The following ODR4 variants were observed in gnomAD, a reference collection of about 807,000 sequenced individuals.
ODR4 encodes the protein odr-4 GPCR localization factor homolog.
In ODR4, 47 loss-of-function variants were observed where a neutral mutation model predicts 60.2. That is an observed-to-expected ratio of 0.78 (90% CI 0.62 to 1.00). The LOEUF (loss-of-function observed/expected upper bound fraction) is 1.00, where lower values mean the gene tolerates loss of function less well. ODR4 is among the 50% of genes least tolerant of loss of function. The pLI, the probability that ODR4 is intolerant of heterozygous loss-of-function variation, is 0.00. For missense variants in ODR4, 488 were observed against 530.8 expected, an observed-to-expected ratio of 0.92 and a Z score of 0.79; for synonymous variants, 178 against 175.5, an observed-to-expected ratio of 1.01 and a Z score of -0.11.
At chr1:186,408,477 A>G (rs1319727590) in intron 12 of ODR4, among the ~76,000 whole-genome samples, 1 of 150,864 alleles carries the variant, frequency 6.6e-6, no homozygotes, top group Non-Finnish European at 1.5e-5. Flanking sequence ...GGAATCTTGG[A>G]TCTCATTATT....
chr1:186,400,405 G>A (rs1388264926), intron 11 of ODR4, among the ~76,000 whole-genome samples: 1 of 152,050 alleles, frequency 6.6e-6, no homozygotes, highest in Non-Finnish European at 1.5e-5. Context: ...TCAGCCTCCC[G>A]AGTAGCTGAG....
At chr1:186,415,267 AT>A (rs11316066) in intron 12 of ODR4, among the ~76,000 whole-genome samples, 6,879 of 151,992 alleles carry the variant, frequency 0.045, 512 homozygotes, top group African/African-American at 0.16. Context: ...GAAGTAGGTA[AT>A]TTTTTTTCTT....
intron 13 of ODR4, among the ~76,000 whole-genome samples, chr1:186,418,799 A>G (rs1661683486): frequency 6.6e-6 from 1 of 152,248 alleles, no homozygotes; most frequent in Non-Finnish European, 1.5e-5. Flanking sequence ...TTTGTCCAAC[A>G]TTTGAAATCT....
chr1:186,414,534 T>C (rs796880206), intron 12 of ODR4, among the ~76,000 whole-genome samples: 5 of 151,808 alleles, frequency 3.3e-5, no homozygotes, highest in African/African-American at 1.2e-4. Flanking sequence ...CTTTTTTTTT[T>C]TTTTTGAGAC....
chr1:186,430,501 T>C, the ODR4 span, among the ~76,000 whole-genome samples: 1 of 152,138 alleles, frequency 6.6e-6, no homozygotes, highest in Non-Finnish European at 1.5e-5. Context: ...TCCAATTTAG[T>C]TGTAGAAACA....
In ODR4 at chr1:186,401,163, A is replaced by G. The variant is rs755880044; in HGVS notation, c.1000+2119A>G. ...TATATGGCTATCCTGGTATTCTTTC[A>G]TATTGTTAGTACTTTGAAATTTTTG... On this transcript the variant is annotated intron_variant, in intron 11 of 13. Coordinates refer to ENST00000287859, the MANE Select transcript of ODR4 (RefSeq NM_017847.6). The G allele has an allele frequency of 1.1e-5, 18 of 1,593,210 alleles. No individual in the cohort carries two copies. The Admixed American group carries it at 1.5e-4, about 13-fold the overall frequency.
rs529733137 is a variant in ODR4, at chr1:186,420,127, G to A, written c.*1051G>A. 2 of 152,216 alleles carry A rather than the reference G, an allele frequency of 1.3e-5. No homozygotes were observed. Among genetic ancestry groups the A allele is most frequent in the Admixed American group, 6.5e-5 (1 of 15,284 alleles). The allele number at this position is 152,216 out of a possible 1,614,324, so 9.4% of individuals were successfully genotyped here. Reference sequence around the variant, plus strand: ...GGAGAATTTTCAAGAACCATACTTCGACATTTCCTCTGCCACAAAAAATGA... The same window carrying A: ...GGAGAATTTTCAAGAACCATACTTCAACATTTCCTCTGCCACAAAAAATGA... On this transcript the variant is annotated 3_prime_UTR_variant, in exon 14 of 14. Coordinates refer to ENST00000287859, the MANE Select transcript of ODR4 (RefSeq NM_017847.6).
chr1:186,423,212 T>C (rs1404641305), downstream of ODR4, among the ~76,000 whole-genome samples: 1 of 152,130 alleles, frequency 6.6e-6, no homozygotes, highest in Non-Finnish European at 1.5e-5. Context: ...CTTTCAAAAA[T>C]AGCTAATGAG....
rs1204355068 is a variant in ODR4 at position 186,398,326 on chromosome 1, A to ACCACAGAT, written c.801_808dup (p.Ala270AspfsTer13). The ACCACAGAT allele has an allele frequency of 6.3e-7, 1 of 1,592,668 alleles. No homozygotes were observed. Among genetic ancestry groups the ACCACAGAT allele is most frequent in the Non-Finnish European group, 8.5e-7 (1 of 1,170,066 alleles). On this transcript the variant is annotated frameshift_variant, in exon 10 of 14. Coordinates refer to ENST00000287859, the MANE Select transcript of ODR4 (RefSeq NM_017847.6). LOFTEE classifies it high-confidence loss of function. ...TTTGTCTTTCAGCTCCTGAATTCAG[A>ACCACAGAT]CCACAGATCCACAGCCACAGTCCAG...
intron 8 of ODR4, 44 bp from the exon 9 acceptor site, chr1:186,393,903 T>C (rs1490174083): frequency 3.0e-5 from 31 of 1,033,254 alleles, no homozygotes; most frequent in Non-Finnish European, 4.0e-5. Context: ...TTTTATGTTT[T>C]ACAGGCTTCA....
chr1:186,383,110 A>T lies in ODR4; in HGVS notation c.188A>T (p.Lys63Met). Residue 63 changes from lysine (K) to methionine (M), a missense_variant, in exon 3 of 14, where the codon AAG becomes ATG. By Grantham distance (95) the Lys-to-Met change is moderately conservative (BLOSUM62 -1). Transcript: ENST00000287859. ...QSENLKHPKA[K>M]LDNLDEEWAT... ...GAGAACCTCAAACATCCCAAAGCTAAGTTGGATAACTTGGATGAAGAATGG... is the reference window on the plus strand; with the variant it reads ...GAGAACCTCAAACATCCCAAAGCTATGTTGGATAACTTGGATGAAGAATGG... 1 of 1,559,632 alleles carries T rather than the reference A, an allele frequency of 6.4e-7. No homozygotes were observed. The highest frequency in any genetic ancestry group is 8.7e-7 in the Non-Finnish European group (1 of 1,150,958).
chr1:186,400,919 CAG>C, intron 11 of ODR4: 7 of 810,816 alleles, frequency 8.6e-6, no homozygotes, highest in Non-Finnish European at 1.4e-5. Context: ...AGCCCCATCT[CAG>C]TGTGGCTTTG....
At chr1:186,386,362 C>T (rs1660250264) in intron 4 of ODR4, among the ~76,000 whole-genome samples, 1 of 152,000 alleles carries the variant, frequency 6.6e-6, no homozygotes, top group Non-Finnish European at 1.5e-5. Context: ...ATCATCAGCC[C>T]ATATGGCATT....
intron 12 of ODR4, among the ~76,000 whole-genome samples, chr1:186,415,983 T>C (rs1389570119): frequency 6.6e-6 from 1 of 152,238 alleles, no homozygotes; most frequent in Non-Finnish European, 1.5e-5. Flanking sequence ...TTGATCATAG[T>C]TTCAATTTCA....
At chr1:186,395,157 C>T (rs1272352785) in intron 9 of ODR4, among the ~76,000 whole-genome samples, 4 of 152,062 alleles carry the variant, frequency 2.6e-5, no homozygotes, top group African/African-American at 7.2e-5. Flanking sequence ...TGCAGTGGTG[C>T]GATCTCGGCT....
At chr1:186,382,711 AATTC>A (rs1660087888) in intron 2 of ODR4, among the ~76,000 whole-genome samples, 3 of 152,236 alleles carry the variant, frequency 2.0e-5, no homozygotes. Flanking sequence ...TAGTTAATGT[AATTC>A]ATTCACTCAT....
At position 186,391,698 on chromosome 1, in the gene ODR4, T is replaced by C; in HGVS notation, c.618T>C (p.Asn206=). 1 of 1,585,972 alleles carries C rather than the reference T, an allele frequency of 6.3e-7. No homozygotes were observed. Among genetic ancestry groups the C allele is most frequent in the African/African-American group, 1.3e-5 (1 of 74,600 alleles). Residue 206 remains asparagine (N), a splice_region_variant and synonymous_variant, in exon 8 of 14, where the codon AAT becomes AAC. Transcript: ENST00000287859. ...VSYTLEKNTK[N]GLTRWAKEIE... The stretch of plus-strand genomic sequence containing the variant: ...TTCCATGTTGTGTTTCTGTTAAGAA[T>C]GGACTTACACGCTGGGCCAAGGAAA...
downstream of ODR4, among the ~76,000 whole-genome samples, chr1:186,423,558 A>G (rs1661834790): frequency 6.8e-6 from 1 of 146,948 alleles, no homozygotes; most frequent in African/African-American, 2.5e-5. Context: ...AGGTTCAAGC[A>G]ATTCTCTTGC....
chr1:186,386,138 T>G (rs1660241677), intron 4 of ODR4, 55 bp downstream of exon 4: 1 of 983,360 alleles, frequency 1.0e-6, no homozygotes, highest in African/African-American at 1.7e-5. Context: ...TTATTTTTAC[T>G]GATTATGAGT....
Sources: allele counts gnomAD v4.1 joint callset (sites outside exome capture counted in the v4.1 genomes callset), GRCh38; gene constraint gnomAD v4.1.1; transcripts MANE v1.5; gene names NCBI Gene and HGNC (gene_info 2026-07-23, HGNC 2026-07-21).